The following LRRC4C variants were observed in gnomAD, a reference collection of about 807,000 sequenced individuals.
LRRC4C encodes the protein leucine rich repeat containing 4C.
In LRRC4C, 5 loss-of-function variants were observed where a neutral mutation model predicts 33.6. The observed-to-expected ratio is 0.15, with a 90% CI of 0.08 to 0.31. The LOEUF is 0.31. Ranked by LOEUF, LRRC4C falls within the 10% of genes least tolerant of loss-of-function variation. LRRC4C has a pLI of 1.00. For synonymous variants in LRRC4C, 329 were observed against 302.0 expected, an observed-to-expected ratio of 1.09 and a Z score of -0.93; for missense variants, 560 against 796.7, an observed-to-expected ratio of 0.70 and a Z score of 3.58.
chr11:40,155,981 C>A (rs1019492991), intron 5 of LRRC4C, among the ~76,000 whole-genome samples: 1 of 152,072 alleles, frequency 6.6e-6, no homozygotes, highest in Non-Finnish European at 1.5e-5. Flanking sequence ...AATCCAGCAA[C>A]GTATCAAAAA....
chr11:41,454,339 C>G (rs1156515621), intron 1 of LRRC4C, among the ~76,000 whole-genome samples: 1 of 152,124 alleles, frequency 6.6e-6, no homozygotes, highest in Non-Finnish European at 1.5e-5. Context: ...TTCTTGTTAA[C>G]TATCAAGTCA....
intron 2 of LRRC4C, among the ~76,000 whole-genome samples, chr11:40,759,360 G>C (rs907652552): frequency 1.3e-5 from 2 of 150,680 alleles, no homozygotes; most frequent in African/African-American, 4.9e-5. Flanking sequence ...TTACCTCAGT[G>C]ATAATTTAAG....
chr11:40,980,009 C>T (rs529103407), intron 1 of LRRC4C, among the ~76,000 whole-genome samples: 25 of 152,212 alleles, frequency 1.6e-4, no homozygotes, highest in East Asian at 9.7e-4. Context: ...TTAAATATCT[C>T]GATCACAAAA....
intron 3 of LRRC4C, among the ~76,000 whole-genome samples, chr11:40,584,180 A>ATATATATATATATATATATATG (rs1958602124): frequency 1.7e-5 from 2 of 120,576 alleles, no homozygotes; most frequent in Non-Finnish European, 3.4e-5. Flanking sequence ...CACACTTCAT[A>ATATATATATATATATATATATG]TATATATATA....
At chr11:40,656,008 G>C (rs1943087658) in intron 2 of LRRC4C, among the ~76,000 whole-genome samples, 1 of 151,968 alleles carries the variant, frequency 6.6e-6, no homozygotes, top group Non-Finnish European at 1.5e-5. Flanking sequence ...AACAGAAAGG[G>C]GAAAATCCAC....
At chr11:41,253,487 G>C (rs1167475635) in intron 1 of LRRC4C, among the ~76,000 whole-genome samples, 2 of 151,960 alleles carry the variant, frequency 1.3e-5, no homozygotes, top group Non-Finnish European at 2.9e-5. Context: ...TTTTACCCAG[G>C]AGCTTTTAGT....
chr11:41,394,318 T>G (rs1423166804), intron 1 of LRRC4C, among the ~76,000 whole-genome samples: 7 of 151,960 alleles, frequency 4.6e-5, no homozygotes, highest in African/African-American at 1.4e-4. Flanking sequence ...ATACCTTCCT[T>G]CACTGCACTA....
At chr11:40,606,174 A>T (rs745461736) in intron 3 of LRRC4C, among the ~76,000 whole-genome samples, 1 of 152,176 alleles carries the variant, frequency 6.6e-6, no homozygotes, top group Admixed American at 6.5e-5. Context: ...TTGAAGCACT[A>T]ATGAAGCTTG....
intron 1 of LRRC4C, among the ~76,000 whole-genome samples, chr11:41,456,780 A>T (rs2138693755): frequency 6.6e-6 from 1 of 152,274 alleles, no homozygotes; most frequent in East Asian, 1.9e-4. Flanking sequence ...GGTAAACGTC[A>T]AAACCCTCTC....
At chr11:40,935,512 T>C (rs1456014199) in intron 1 of LRRC4C, among the ~76,000 whole-genome samples, 1 of 152,144 alleles carries the variant, frequency 6.6e-6, no homozygotes, top group Non-Finnish European at 1.5e-5. Flanking sequence ...TAGGTATTTT[T>C]AGATACACAA....
intron 1 of LRRC4C, among the ~76,000 whole-genome samples, chr11:41,457,738 A>G (rs1344028372): frequency 1.3e-5 from 2 of 152,254 alleles, no homozygotes; most frequent in East Asian, 3.9e-4. Context: ...ATTATAAATT[A>G]TACTGACAGG....
intron 1 of LRRC4C, among the ~76,000 whole-genome samples, chr11:41,209,610 A>G (rs938329609): frequency 4.0e-5 from 6 of 150,706 alleles, no homozygotes; most frequent in Admixed American, 6.7e-5. Flanking sequence ...GCACCACTGC[A>G]CTCCAGCCTG....
At chr11:40,384,707 A>G (rs552345898) in intron 3 of LRRC4C, among the ~76,000 whole-genome samples, 1 of 152,312 alleles carries the variant, frequency 6.6e-6, no homozygotes, top group South Asian at 2.1e-4. Context: ...CTCTAGAATT[A>G]GACCATCTCA....
intron 2 of LRRC4C, among the ~76,000 whole-genome samples, chr11:40,719,074 A>G (rs1232635265): frequency 6.6e-6 from 1 of 152,220 alleles, no homozygotes; most frequent in Non-Finnish European, 1.5e-5. Context: ...AAAAGAAATC[A>G]TGAAGTCTCT....
intron 3 of LRRC4C, among the ~76,000 whole-genome samples, chr11:40,406,071 G>A (rs1324826186): frequency 2.0e-5 from 3 of 152,028 alleles, no homozygotes; most frequent in Admixed American, 6.6e-5. Flanking sequence ...AGATCACTGC[G>A]GGATGGCGCT....
chr11:40,797,511 T>C (rs147684581), intron 2 of LRRC4C, among the ~76,000 whole-genome samples: 46 of 152,230 alleles, frequency 3.0e-4, no homozygotes, highest in Admixed American at 4.6e-4. Flanking sequence ...AGTTAGTAGG[T>C]TAGGAAAACA....
At chr11:40,779,620 A>G (rs921637985) in intron 2 of LRRC4C, among the ~76,000 whole-genome samples, 2 of 152,184 alleles carry the variant, frequency 1.3e-5, no homozygotes, top group Non-Finnish European at 2.9e-5. Flanking sequence ...TTAAAATAAA[A>G]TTTCATGCAG....
At chr11:41,072,285 A>T (rs547940810) in intron 1 of LRRC4C, among the ~76,000 whole-genome samples, 3 of 596 alleles carry the variant, frequency 5.0e-3, no homozygotes, top group African/African-American at 5.4e-3. Flanking sequence ...CAAACATTGA[A>T]GACCCTCCAC....
At chr11:40,414,503 ATAG>A (rs1185685942) in intron 3 of LRRC4C, among the ~76,000 whole-genome samples, 2 of 152,126 alleles carry the variant, frequency 1.3e-5, no homozygotes, top group Non-Finnish European at 2.9e-5. Context: ...GAAATGCATT[ATAG>A]GGCAGCAGTA....
Sources: gnomAD v4.1 joint callset for allele counts (sites outside exome capture counted in the v4.1 genomes callset) on GRCh38, gnomAD v4.1.1 for gene constraint, MANE v1.5 for transcripts, NCBI Gene and HGNC (gene_info 2026-07-23, HGNC 2026-07-21) for gene names.